IRAK1BP1: variants seen among roughly 807,000 people sequenced by gnomAD.
IRAK1BP1 encodes interleukin 1 receptor associated kinase 1 binding protein 1.
A neutral mutation model predicts 28.0 loss-of-function variants in IRAK1BP1; 24 were observed. The observed-to-expected ratio is 0.86, with a 90% confidence interval of 0.62 to 1.20. IRAK1BP1 has a LOEUF of 1.20. Ranked by LOEUF, IRAK1BP1 falls within the 50% of genes most tolerant of loss-of-function variation. The pLI is 0.00. For synonymous variants in IRAK1BP1, 131 were observed against 116.3 expected (o/e 1.13, Z -0.81); for missense variants, 336 against 316.7 (o/e 1.06, Z -0.46).
intron 4 of IRAK1BP1, among the ~76,000 whole-genome samples, chr6:78,910,039 C>T (rs1772363490): frequency 6.6e-6 from 1 of 152,110 alleles, no homozygotes; most frequent in East Asian, 1.9e-4. Context: ...GAAAGGCAGG[C>T]CTTGACATTT....
intron 1 of IRAK1BP1, among the ~76,000 whole-genome samples, chr6:78,882,744 C>T (rs999377486): frequency 1.3e-5 from 2 of 152,038 alleles, no homozygotes; most frequent in Non-Finnish European, 2.9e-5. Flanking sequence ...GGATTTGATC[C>T]TGTGGTAGTA....
exon 5 of IRAK1BP1, chr6:78,946,439 GT>G (rs1773822532): frequency 7.1e-7 from 1 of 1,404,128 alleles, no homozygotes. Context: ...AAGGATCGCT[GT>G]AAATGCTAAA....
rs1462254406 is a variant in IRAK1BP1 at position 78,900,744 on chromosome 6, A to G, written c.*2410A>G. The G allele has an allele frequency of 6.6e-6, 1 of 152,214 alleles. No homozygotes were observed. Among genetic ancestry groups the G allele is most frequent in the African/African-American group, 2.4e-5 (1 of 41,454 alleles). The allele number at this position is 152,214 out of a possible 1,614,324, so 9.4% of individuals were successfully genotyped here. A position where few individuals can be genotyped will look rare whatever the true frequency, so the allele number is the denominator to read the frequency against. On this transcript the variant is annotated 3_prime_UTR_variant, in exon 4 of 4. Transcript: ENST00000369940. ...TTTGTCCTTACAAATGAAAGAGACT[A>G]ATAGTACTTAACCTTGCAGTGTTAT... is the stretch of plus-strand genomic sequence containing the variant.
chr6:78,915,621 C>G (rs540219607), intron 4 of IRAK1BP1, among the ~76,000 whole-genome samples: 18 of 152,302 alleles, frequency 1.2e-4, no homozygotes, highest in South Asian at 6.2e-4. Context: ...GGCCCAAGGA[C>G]TCCCCAACAG....
At chr6:78,919,572 C>T (rs1337464989) in intron 4 of IRAK1BP1, among the ~76,000 whole-genome samples, 1 of 152,156 alleles carries the variant, frequency 6.6e-6, no homozygotes, top group Non-Finnish European at 1.5e-5. Flanking sequence ...CATCTGTATA[C>T]ACACAAACTA....
chr6:78,958,324 T>C, the IRAK1BP1 span: 2 of 529,292 alleles, frequency 3.8e-6, no homozygotes, highest in Non-Finnish European at 6.7e-6. Context: ...CAGAGACCTT[T>C]AGATCTTCAG....
the IRAK1BP1 span, among the ~76,000 whole-genome samples, chr6:78,963,476 AATT>A: frequency 6.6e-6 from 1 of 152,154 alleles, no homozygotes; most frequent in Non-Finnish European, 1.5e-5. Flanking sequence ...ACTTCTCCAA[AATT>A]ATACCTGAAA....
At chr6:78,943,634 T>C (rs1188244966) in intron 4 of IRAK1BP1, among the ~76,000 whole-genome samples, 1 of 152,138 alleles carries the variant, frequency 6.6e-6, no homozygotes, top group Non-Finnish European at 1.5e-5. Flanking sequence ...AAATGAATAA[T>C]ATGATCAACA....
chr6:78,947,231 G>A (rs543466600), downstream of IRAK1BP1, among the ~76,000 whole-genome samples: 7 of 152,070 alleles, frequency 4.6e-5, no homozygotes, highest in African/African-American at 4.8e-5. Context: ...TTCTCATTTC[G>A]TTGCTATATA....
chr6:78,893,311 T>G (rs907310813), intron 2 of IRAK1BP1, among the ~76,000 whole-genome samples: 4 of 88,498 alleles, frequency 4.5e-5, no homozygotes, highest in Non-Finnish European at 8.6e-5. Context: ...TGTGTGTGTG[T>G]GTGTATATAT....
At position 78,897,820 on chromosome 6, in the gene IRAK1BP1, C is replaced by T; in HGVS notation, c.382-9C>T. 2 of 1,608,068 alleles carry T rather than the reference C, an allele frequency of 1.2e-6. No homozygotes were observed. Among genetic ancestry groups the T allele is most frequent in the South Asian group, 1.1e-5 (1 of 90,288 alleles). Reference sequence around the variant, plus strand: ...ACATGAAAATAATATCGTGTCATTTCATTTACAGGTCTGCATTACATTTAC... The same window carrying T: ...ACATGAAAATAATATCGTGTCATTTTATTTACAGGTCTGCATTACATTTAC... On this transcript the variant is annotated splice_polypyrimidine_tract_variant and intron_variant, in intron 2 of 3. Coordinates refer to ENST00000369940, the MANE Select transcript of IRAK1BP1 (RefSeq NM_001010844.4).
rs190916892 is a variant in IRAK1BP1, at chr6:78,914,465, G to A, written c.*67+11355G>A. Reference sequence around the variant, plus strand: ...ACATTCAAACTATATGAGGAAAAAAGAAATGAGTGTTTCCCAAGATGCAAA... The same window carrying A: ...ACATTCAAACTATATGAGGAAAAAAAAAATGAGTGTTTCCCAAGATGCAAA... On this transcript the variant is annotated intron_variant and NMD_transcript_variant, in intron 4 of 4. Coordinates refer to the IRAK1BP1 transcript ENST00000606868. 6.4e-4 allele frequency among the ~76,000 whole-genome samples: 98 copies of A among 152,304 alleles called. 1 individual carries two copies. In the South Asian group the frequency reaches 7.9e-3, roughly 12 times the overall value.
At chr6:78,871,780 G>A (rs1581987270) in intron 1 of IRAK1BP1, 2 of 315,908 alleles carry the variant, frequency 6.3e-6, no homozygotes, top group East Asian at 1.3e-4. Context: ...ACCACTACAG[G>A]ATGTTGCTTC....
chr6:78,883,263 A>G (rs1771295740), intron 1 of IRAK1BP1, among the ~76,000 whole-genome samples: 1 of 152,192 alleles, frequency 6.6e-6, no homozygotes, highest in Non-Finnish European at 1.5e-5. Flanking sequence ...CCTGTCAATC[A>G]GTAGTTAAGA....
intron 4 of IRAK1BP1, among the ~76,000 whole-genome samples, chr6:78,908,635 T>C (rs9361466): frequency 0.46 from 69,346 of 152,130 alleles, 16,400 homozygotes; most frequent in East Asian, 0.69. Flanking sequence ...GCCACCAGAC[T>C]CAGCCAAGAT....
intron 2 of IRAK1BP1, among the ~76,000 whole-genome samples, chr6:78,894,244 T>C (rs1439966262): frequency 6.6e-6 from 1 of 152,216 alleles, no homozygotes; most frequent in Non-Finnish European, 1.5e-5. Flanking sequence ...AATTTACCCA[T>C]GTCAATAATC....
the IRAK1BP1 span, chr6:78,963,330 C>G: frequency 8.9e-7 from 1 of 1,121,722 alleles, no homozygotes; most frequent in African/African-American, 1.6e-5. Context: ...GTAAAAATAA[C>G]AGTCACAAAA....
At chr6:78,906,102 A>T (rs1772254793), downstream of IRAK1BP1, among the ~76,000 whole-genome samples, 1 of 152,190 alleles carries the variant, frequency 6.6e-6, no homozygotes, top group Admixed American at 6.5e-5. Flanking sequence ...AAATTGACTA[A>T]CATGATTGAA....
intron 2 of IRAK1BP1, among the ~76,000 whole-genome samples, chr6:78,890,578 C>T (rs1771616906): frequency 6.6e-6 from 1 of 152,128 alleles, no homozygotes; most frequent in Non-Finnish European, 1.5e-5. Context: ...CTCATCAAAG[C>T]ATATTGGAAA....
Sources: allele counts gnomAD v4.1 joint callset (sites outside exome capture counted in the v4.1 genomes callset), GRCh38; gene constraint gnomAD v4.1.1; transcripts MANE v1.5; gene names NCBI Gene and HGNC (gene_info 2026-07-23, HGNC 2026-07-21).